The following GRIA2 variants were observed in gnomAD, a reference collection of about 807,000 sequenced individuals.
GRIA2 encodes the protein glutamate receptor 2.
GRIA2 carries 14 observed loss-of-function variants against 97.3 expected under a neutral mutation model. The observed-to-expected ratio is 0.14, with a 90% CI of 0.10 to 0.23. GRIA2 has a LOEUF of 0.23. GRIA2 is among the 10% of genes least tolerant of loss of function. GRIA2 has a pLI of 1.00. For missense variants in GRIA2, 558 were observed against 1,069.8 expected (o/e 0.52, Z 6.67); for synonymous variants, 412 against 387.8 (o/e 1.06, Z -0.73).
intron 5 of GRIA2, among the ~76,000 whole-genome samples, chr4:157,320,942 A>G (rs888134879): frequency 7.9e-5 from 12 of 152,222 alleles, no homozygotes; most frequent in African/African-American, 2.9e-4. Context: ...AAATTGTTTA[A>G]TTGTTCTCAA....
chr4:157,263,002 G>A (rs553569550), intron 2 of GRIA2, among the ~76,000 whole-genome samples: 89 of 152,122 alleles, frequency 5.9e-4, no homozygotes, highest in African/African-American at 2.1e-3. Context: ...TAATTATTTA[G>A]CCCAGAGTAG....
chr4:157,305,647 C>T (rs902012999), intron 3 of GRIA2, among the ~76,000 whole-genome samples: 1 of 152,084 alleles, frequency 6.6e-6, no homozygotes, highest in Admixed American at 6.6e-5. Flanking sequence ...CACTTCAAAT[C>T]TCTGCCTGTA....
intron 2 of GRIA2, among the ~76,000 whole-genome samples, chr4:157,289,891 A>G (rs1022678550): frequency 5.3e-5 from 8 of 151,846 alleles, no homozygotes; most frequent in Non-Finnish European, 1.0e-4. Context: ...TTTATTGTCT[A>G]TTGAAATGTA....
chr4:157,267,391 CAAAAAAAAAA>C (rs772189197), intron 2 of GRIA2, among the ~76,000 whole-genome samples: 4 of 51,800 alleles, frequency 7.7e-5, no homozygotes, highest in Admixed American at 2.0e-4. Flanking sequence ...GACTCCATCT[CAAAAAAAAAA>C]AAAAAAAAAA....
intron 2 of GRIA2, among the ~76,000 whole-genome samples, chr4:157,258,512 T>C (rs935433222): frequency 6.6e-6 from 1 of 152,094 alleles, no homozygotes; most frequent in South Asian, 2.1e-4. Context: ...CCTGATAAGA[T>C]ATATCAATGA....
chr4:157,351,808 G>T (rs954194687), intron 12 of GRIA2, among the ~76,000 whole-genome samples: 1 of 152,032 alleles, frequency 6.6e-6, no homozygotes. Context: ...ACTTCTTCCC[G>T]CCACCTTGTG....
At position 157,221,825 on chromosome 4, in the gene GRIA2, A is replaced by T; in HGVS notation, c.229+18A>T. 1 of 1,612,808 alleles carries T rather than the reference A, an allele frequency of 6.2e-7. No homozygotes were observed. On this transcript the variant is annotated intron_variant, in intron 2 of 15. Transcript: ENST00000264426. ...TAATGCTTGTAAGTAATGAATATTC[A>T]TGCCTTTCGGGTGCTGCACGCGGAA... is the stretch of plus-strand genomic sequence containing the variant.
intron 12 of GRIA2, among the ~76,000 whole-genome samples, chr4:157,343,048 A>G: frequency 6.6e-6 from 1 of 152,110 alleles, no homozygotes; most frequent in Admixed American, 6.6e-5. Context: ...AGACAAGACA[A>G]GAAAGCTAGT....
intron 2 of GRIA2, among the ~76,000 whole-genome samples, chr4:157,224,653 A>G (rs531100900): frequency 2.0e-5 from 3 of 152,142 alleles, no homozygotes; most frequent in Non-Finnish European, 4.4e-5. Flanking sequence ...TCACAAAGTC[A>G]AGAAATGGAT....
intron 2 of GRIA2, among the ~76,000 whole-genome samples, chr4:157,267,358 C>T (rs1731816766): frequency 7.0e-6 from 1 of 143,122 alleles, no homozygotes; most frequent in Non-Finnish European, 1.5e-5. Context: ...CACCACTGCA[C>T]TCCAGCCTGG....
At chr4:157,304,293 A>G (rs1182992711) in intron 3 of GRIA2, among the ~76,000 whole-genome samples, 2 of 152,216 alleles carry the variant, frequency 1.3e-5, no homozygotes, top group African/African-American at 4.8e-5. Context: ...CACGTATGGT[A>G]CAGCTTACAC....
intron 12 of GRIA2, among the ~76,000 whole-genome samples, chr4:157,358,649 A>C (rs563686711): frequency 6.3e-4 from 96 of 152,160 alleles, no homozygotes; most frequent in African/African-American, 1.7e-3. Context: ...AACAGCCCCT[A>C]CTCCAATGGT....
At chr4:157,338,094 A>G (rs1366085022) in intron 11 of GRIA2, among the ~76,000 whole-genome samples, 1 of 144,644 alleles carries the variant, frequency 6.9e-6, no homozygotes, top group Admixed American at 7.1e-5. Context: ...TAAGATTCAT[A>G]GTTTTATCAT....
intron 11 of GRIA2, among the ~76,000 whole-genome samples, chr4:157,339,376 C>A (rs1735448488): frequency 6.6e-6 from 1 of 151,792 alleles, no homozygotes; most frequent in South Asian, 2.1e-4. Context: ...TGTCTGTCAC[C>A]ATAAAATAAT....
At chr4:157,296,948 A>G (rs1579341439) in intron 2 of GRIA2, among the ~76,000 whole-genome samples, 1 of 152,192 alleles carries the variant, frequency 6.6e-6, no homozygotes, top group Non-Finnish European at 1.5e-5. Context: ...AGATTGCTTT[A>G]GAATCACATG....
At chr4:157,252,873 A>G (rs1731076944) in intron 2 of GRIA2, among the ~76,000 whole-genome samples, 1 of 152,098 alleles carries the variant, frequency 6.6e-6, no homozygotes, top group African/African-American at 2.4e-5. Flanking sequence ...TACTCTCTAC[A>G]TTTAAAATTG....
intron 2 of GRIA2, among the ~76,000 whole-genome samples, chr4:157,256,257 T>TAAC (rs1731264887): frequency 8.0e-6 from 1 of 124,448 alleles, no homozygotes; most frequent in Non-Finnish European, 1.7e-5. Flanking sequence ...ATATATAAAT[T>TAAC]ATATATTACA....
At chr4:157,256,507 A>G (rs952796259) in intron 2 of GRIA2, among the ~76,000 whole-genome samples, 6 of 151,384 alleles carry the variant, frequency 4.0e-5, no homozygotes, top group Admixed American at 2.0e-4. Flanking sequence ...AATTAAAATA[A>G]TGCAACAGCT....
At chr4:157,265,467 T>C (rs1731728359) in intron 2 of GRIA2, among the ~76,000 whole-genome samples, 1 of 152,116 alleles carries the variant, frequency 6.6e-6, no homozygotes, top group Non-Finnish European at 1.5e-5. Flanking sequence ...GGTTTCGAAT[T>C]GCATGATGAC....
Sources: gnomAD v4.1 joint callset for allele counts (sites outside exome capture counted in the v4.1 genomes callset) on GRCh38, gnomAD v4.1.1 for gene constraint, MANE v1.5 for transcripts, NCBI Gene and HGNC (gene_info 2026-07-23, HGNC 2026-07-21) for gene names.